The following TEX9 variants were observed in gnomAD, a reference collection of about 807,000 sequenced individuals.
TEX9 encodes the protein testis expressed 9.
TEX9 carries 74 observed loss-of-function variants against 59.6 expected under a neutral mutation model. The observed-to-expected ratio is 1.24, with a 90% CI of 1.03 to 1.51. The LOEUF is 1.51. Among genes scored for constraint, TEX9 ranks in the 40% most tolerant of loss-of-function variants. The pLI, the probability that TEX9 is intolerant of heterozygous loss-of-function variation, is 0.00. For synonymous variants in TEX9, 186 were observed against 152.2 expected (o/e 1.22, Z -1.64); for missense variants, 522 against 447.8 (o/e 1.17, Z -1.49).
At chr15:56,354,172 C>T (rs1293931171) in intron 1 of TEX9, among the ~76,000 whole-genome samples, 1 of 152,142 alleles carries the variant, frequency 6.6e-6, no homozygotes, top group African/African-American at 2.4e-5. Flanking sequence ...CAACTGAGGA[C>T]AGAGACAGGA....
intron 7 of TEX9, among the ~76,000 whole-genome samples, chr15:56,393,463 T>C (rs1234908372): frequency 1.3e-5 from 2 of 152,330 alleles, no homozygotes; most frequent in South Asian, 2.1e-4. Context: ...TCCAAGTGTT[T>C]CCTCAAGATA....
intron 1 of TEX9, among the ~76,000 whole-genome samples, chr15:56,276,225 A>G (rs2044664661): frequency 6.6e-6 from 1 of 151,908 alleles, no homozygotes; most frequent in African/African-American, 2.4e-5. Flanking sequence ...GGTTTGTTAC[A>G]TAGGTATACA....
chr15:56,421,901 A>G (rs1466972557), intron 10 of TEX9: 1 of 151,464 alleles, frequency 6.6e-6, no homozygotes, highest in African/African-American at 2.4e-5. Context: ...ACTCTTTGCT[A>G]TTGTGAGTAG....
chr15:56,271,997 A>C (rs2044545184), intron 1 of TEX9, among the ~76,000 whole-genome samples: 1 of 151,952 alleles, frequency 6.6e-6, no homozygotes, highest in Non-Finnish European at 1.5e-5. Flanking sequence ...AAACAAAATT[A>C]GCTGGGCATG....
upstream of TEX9, among the ~76,000 whole-genome samples, chr15:56,363,049 C>A (rs116352519): frequency 6.6e-6 from 1 of 152,094 alleles, no homozygotes; most frequent in Non-Finnish European, 1.5e-5. Context: ...ATAATCCTGA[C>A]ATAAACATTT....
chr15:56,289,331 T>C (rs989258152), intron 1 of TEX9, among the ~76,000 whole-genome samples: 1 of 152,198 alleles, frequency 6.6e-6, no homozygotes, highest in East Asian at 1.9e-4. Flanking sequence ...GTCTATTCAC[T>C]TGGTGGAGCA....
chr15:56,408,541 T>G (rs544553035), intron 9 of TEX9: 2 of 152,374 alleles, frequency 1.3e-5, no homozygotes, highest in South Asian at 4.1e-4. Context: ...TTTTGTGTCT[T>G]GCCCTTACCT....
intron 10 of TEX9, among the ~76,000 whole-genome samples, chr15:56,419,706 T>A (rs1157005296): frequency 2.0e-5 from 3 of 151,860 alleles, no homozygotes; most frequent in Non-Finnish European, 4.4e-5. Flanking sequence ...AGTTTTCTTA[T>A]ACATTATTTT....
chr15:56,374,394 C>G (rs2047330233), intron 3 of TEX9: 1 of 152,046 alleles, frequency 6.6e-6, no homozygotes. Flanking sequence ...TACTCACTTT[C>G]TCTTTTTAAA....
chr15:56,264,657 T>G (rs1364413449), intron 1 of TEX9, among the ~76,000 whole-genome samples: 1 of 152,228 alleles, frequency 6.6e-6, no homozygotes, highest in Middle Eastern at 3.2e-3. Context: ...ATTGACTAAG[T>G]AATCTCTGAG....
chr15:56,361,034 GA>G, upstream of TEX9, among the ~76,000 whole-genome samples: 1 of 152,260 alleles, frequency 6.6e-6, no homozygotes, highest in Non-Finnish European at 1.5e-5. Flanking sequence ...TAGGACCTGT[GA>G]GTATAATAAA....
chr15:56,447,111 G>A, downstream of TEX9: 1 of 541,392 alleles, frequency 1.8e-6, no homozygotes, highest in East Asian at 3.1e-5. Flanking sequence ...ATGCCTTTAG[G>A]GCATTAGGGC....
upstream of TEX9, among the ~76,000 whole-genome samples, chr15:56,364,210 A>G (rs2046849398): frequency 6.6e-6 from 1 of 151,658 alleles, no homozygotes; most frequent in African/African-American, 2.4e-5. Flanking sequence ...TTGGAGCGCA[A>G]TGGTGCAATC....
intron 5 of TEX9, 69 bp from the exon 6 acceptor site, chr15:56,389,249 T>C: frequency 8.1e-7 from 1 of 1,239,708 alleles, no homozygotes. Context: ...TTCTATGTGT[T>C]ACAGAATTGC....
chr15:56,373,330 T>G, intron 2 of TEX9, 111 bp from the exon 3 acceptor site: 2 of 879,222 alleles, frequency 2.3e-6, no homozygotes, highest in African/African-American at 3.6e-5. Flanking sequence ...GAATGCCATA[T>G]GTATATTTTG....
At chr15:56,293,964 T>C (rs1166945513) in intron 1 of TEX9, among the ~76,000 whole-genome samples, 1 of 152,242 alleles carries the variant, frequency 6.6e-6, no homozygotes, top group Non-Finnish European at 1.5e-5. Context: ...TAGTGAATTA[T>C]CAAGTATGAG....
chr15:56,423,127 G>A (rs1327261893), intron 10 of TEX9, among the ~76,000 whole-genome samples: 2 of 152,152 alleles, frequency 1.3e-5, no homozygotes, highest in East Asian at 3.8e-4. Flanking sequence ...AGATATCAAT[G>A]TCTCCTAGAG....
rs143014636 is a variant in TEX9, at chr15:56,299,777, C to T, written c.-107+55499C>T. The stretch of plus-strand genomic sequence containing the variant: ...TGCTCCAAAATGACATTTCTAGACA[C>T]GCCCTGAGCCAGAAGAGAACCTGCT... On this transcript the variant is annotated intron_variant, in intron 1 of 5. Transcript: ENST00000560827. Among the ~76,000 whole-genome samples, 646 of 152,212 alleles carry T rather than the reference C, an allele frequency of 4.2e-3. 7 individuals carry two copies. The highest frequency in any genetic ancestry group is 0.037 in the South Asian group (180 of 4,800).
the TEX9 span, chr15:56,456,306 C>A: frequency 8.0e-7 from 1 of 1,243,320 alleles, no homozygotes. Context: ...ATGACATAAA[C>A]AAAGAAATTT....
Sources: allele counts gnomAD v4.1 joint callset (sites outside exome capture counted in the v4.1 genomes callset), GRCh38; gene constraint gnomAD v4.1.1; transcripts MANE v1.5; gene names NCBI Gene and HGNC (gene_info 2026-07-23, HGNC 2026-07-21).